KLRG1: variants seen among roughly 807,000 people sequenced by gnomAD.
KLRG1 encodes the protein killer cell lectin like receptor G1.
Under a neutral mutation model 21.8 loss-of-function variants are expected in KLRG1, and 16 were observed. The ratio of observed to expected loss-of-function variants is 0.73; its 90% CI spans 0.50 to 1.11. The LOEUF (loss-of-function observed/expected upper bound fraction) is 1.11. Ranked by LOEUF, KLRG1 falls within the 50% of genes most tolerant of loss-of-function variation. KLRG1 has a pLI of 0.00. For missense variants in KLRG1, 173 were observed against 218.3 expected, an observed-to-expected ratio of 0.79 and a Z score of 1.31; for synonymous variants, 69 against 75.9, an observed-to-expected ratio of 0.91 and a Z score of 0.47.
chr12:9,016,206 A>G, the KLRG1 span, among the ~76,000 whole-genome samples: 137 of 152,328 alleles, frequency 9.0e-4, no homozygotes, highest in Non-Finnish European at 1.3e-3. Context: ...CAAAAGGTCA[A>G]TGAAACCACA....
intron 1 of KLRG1, among the ~76,000 whole-genome samples, chr12:8,982,697 G>A (rs988440451): frequency 6.8e-6 from 1 of 146,476 alleles, no homozygotes; most frequent in African/African-American, 2.5e-5. Flanking sequence ...CCAGGCTGGA[G>A]TGCAATGGTG....
chr12:8,983,021 T>C (rs1005981839), intron 1 of KLRG1, among the ~76,000 whole-genome samples: 18 of 152,192 alleles, frequency 1.2e-4, no homozygotes, highest in Non-Finnish European at 2.9e-5. Context: ...GGTGCAGCAG[T>C]CCATTTATGA....
At chr12:9,120,869 G>GTGTGTGTGTGTA in the KLRG1 span, among the ~76,000 whole-genome samples, 1 of 150,972 alleles carries the variant, frequency 6.6e-6, no homozygotes, top group Non-Finnish European at 1.5e-5. Context: ...GTGTGTGTGT[G>GTGTGTGTGTGTA]TGTGTGTGTG....
chr12:9,000,082 T>C (rs1454153091), intron 3 of KLRG1, among the ~76,000 whole-genome samples: 1 of 152,010 alleles, frequency 6.6e-6, no homozygotes, highest in African/African-American at 2.4e-5. Context: ...GAGCCAAAAA[T>C]AACTTTTACT....
At chr12:9,112,475 G>A in the KLRG1 span, 1 of 1,613,806 alleles carries the variant, frequency 6.2e-7, no homozygotes, top group Admixed American at 1.7e-5. Context: ...AAATTCTTGG[G>A]TTGGTCCTTT....
chr12:9,090,512 G>T, the KLRG1 span: 1 of 1,608,682 alleles, frequency 6.2e-7, no homozygotes, highest in South Asian at 1.1e-5. Flanking sequence ...AGGGAGTAGA[G>T]AGGGAAGGAG....
At chr12:9,121,718 A>G in the KLRG1 span, among the ~76,000 whole-genome samples, 10 of 152,234 alleles carry the variant, frequency 6.6e-5, no homozygotes, top group Admixed American at 6.5e-4. The surrounding 1 kb of genome is among the most constrained non-coding windows in gnomAD (Gnocchi z 4.4). Context: ...ACAATTTACT[A>G]CAAACAATAG....
chr12:9,032,216 G>A, the KLRG1 span, among the ~76,000 whole-genome samples: 1 of 152,056 alleles, frequency 6.6e-6, no homozygotes, highest in Non-Finnish European at 1.5e-5. Context: ...GGTTGACTCA[G>A]AATTTTGGCT....
downstream of KLRG1, among the ~76,000 whole-genome samples, chr12:9,014,970 T>G (rs1159785902): frequency 4.6e-5 from 7 of 152,142 alleles, no homozygotes; most frequent in Non-Finnish European, 1.0e-4. Context: ...AGATATTATT[T>G]GCAAGCCTTA....
the KLRG1 span, chr12:9,067,228 T>A: frequency 6.4e-6 from 1 of 155,608 alleles, no homozygotes; most frequent in African/African-American, 2.4e-5. Context: ...CTCCCTTCAT[T>A]ATTTTCAGCT....
chr12:9,154,849 G>A, the KLRG1 span: 3 of 1,600,026 alleles, frequency 1.9e-6, no homozygotes, highest in East Asian at 2.2e-5. Context: ...TCTTAAGGGT[G>A]AGAAAAAGGA....
At chr12:9,021,549 C>T in the KLRG1 span, among the ~76,000 whole-genome samples, 8 of 151,794 alleles carry the variant, frequency 5.3e-5, no homozygotes, top group East Asian at 5.8e-4. Flanking sequence ...TACAGGCGCA[C>T]GCCACCATAC....
At chr12:9,159,120 C>T in the KLRG1 span, among the ~76,000 whole-genome samples, 2 of 151,990 alleles carry the variant, frequency 1.3e-5, no homozygotes, top group East Asian at 3.9e-4. Context: ...TATGCTCTGC[C>T]AGTAATGGTT....
upstream of KLRG1, among the ~76,000 whole-genome samples, chr12:8,987,972 T>G (rs1321936379): frequency 6.6e-6 from 1 of 152,196 alleles, no homozygotes; most frequent in Non-Finnish European, 1.5e-5. Flanking sequence ...TAAGTTTTGC[T>G]CTGTTTTTGG....
the KLRG1 span, among the ~76,000 whole-genome samples, chr12:9,060,669 G>A: frequency 6.6e-6 from 1 of 152,092 alleles, no homozygotes; most frequent in Non-Finnish European, 1.5e-5. Context: ...AAAAAACGCA[G>A]ATGTCTGAGC....
the KLRG1 span, among the ~76,000 whole-genome samples, chr12:9,092,312 C>A: frequency 1.3e-5 from 2 of 152,256 alleles, no homozygotes; most frequent in East Asian, 3.9e-4. Context: ...CACCTAGCTC[C>A]AGGAGTAGAT....
chr12:9,152,963 C>G, the KLRG1 span: 2 of 1,614,102 alleles, frequency 1.2e-6, no homozygotes, highest in African/African-American at 2.7e-5. Flanking sequence ...TGTGAAACAG[C>G]AAAGACACTA....
the KLRG1 span, chr12:9,160,159 T>C: frequency 8.9e-7 from 1 of 1,128,284 alleles, no homozygotes; most frequent in Non-Finnish European, 1.3e-6. Flanking sequence ...GTGAATGTTA[T>C]GGATAGATCA....
chr12:9,002,795 G>C (rs1947344062), intron 3 of KLRG1, among the ~76,000 whole-genome samples: 1 of 151,884 alleles, frequency 6.6e-6, no homozygotes, highest in Admixed American at 6.6e-5. Context: ...TCGAACTCCT[G>C]GGCTCAAGAG....
Sources: allele counts gnomAD v4.1 joint callset (sites outside exome capture counted in the v4.1 genomes callset), GRCh38; gene constraint gnomAD v4.1.1; non-coding constraint Gnocchi (gnomAD v3.1); transcripts MANE v1.5; gene names NCBI Gene and HGNC (gene_info 2026-07-23, HGNC 2026-07-21).